PPP4R2: variants seen among roughly 807,000 people sequenced by gnomAD.
PPP4R2 encodes the protein protein phosphatase 4 regulatory subunit 2.
A neutral mutation model predicts 47.2 loss-of-function variants in PPP4R2; 13 were observed. The observed-to-expected ratio is 0.28, with a 90% CI of 0.18 to 0.44. The LOEUF is 0.44. Among genes scored for constraint, PPP4R2 ranks in the 20% least tolerant of loss-of-function variants. The pLI is 1.00. For synonymous variants in PPP4R2, 151 were observed against 163.3 expected (o/e 0.92, Z 0.57); for missense variants, 421 against 491.2 (o/e 0.86, Z 1.35).
chr3:73,055,215 A>G (rs1702704905), intron 3 of PPP4R2, among the ~76,000 whole-genome samples: 2 of 152,188 alleles, frequency 1.3e-5, no homozygotes, highest in African/African-American at 2.4e-5. Context: ...AATGATGACA[A>G]TAAGAACTAA....
At position 73,068,274 on chromosome 3, in the gene PPP4R2, T is replaced by G. The variant is rs1056409037; in HGVS notation, c.*2552T>G. On this transcript the variant is annotated 3_prime_UTR_variant, in exon 9 of 9. Coordinates refer to ENST00000356692, the MANE Select transcript of PPP4R2 (RefSeq NM_174907.4). ...GAATGGAGACCTCAGTGATTAAAGATATTTTGTTTCTGACCTTGAGCAGAT... is the reference window on the plus strand; with the variant it reads ...GAATGGAGACCTCAGTGATTAAAGAGATTTTGTTTCTGACCTTGAGCAGAT... 1 of 152,138 alleles carries G rather than the reference T, an allele frequency of 6.6e-6. No individual in the cohort carries two copies. Among genetic ancestry groups the G allele is most frequent in the Non-Finnish European group, 1.5e-5 (1 of 68,008 alleles). 9.4% of individuals were successfully genotyped at this position (152,138 alleles called of 1,614,324 possible).
At chr3:73,061,200 C>G (rs1702851231) in intron 5 of PPP4R2, 140 bp downstream of exon 5, 2 of 392,572 alleles carry the variant, frequency 5.1e-6, no homozygotes, top group Non-Finnish European at 8.8e-6. Flanking sequence ...ACCTACCATT[C>G]AGTCCCCAAA....
chr3:73,058,955 G>C lies in PPP4R2; in HGVS notation c.288-82G>C, dbSNP rs1575886919. Reference sequence around the variant, plus strand: ...CTTAATACATGGGTGACTAGATACAGCTTTACCTAGCAAAAGAAATAATGT... The same window carrying C: ...CTTAATACATGGGTGACTAGATACACCTTTACCTAGCAAAAGAAATAATGT... On this transcript the variant is annotated intron_variant, in intron 3 of 8. Coordinates refer to ENST00000356692, the MANE Select transcript of PPP4R2 (RefSeq NM_174907.4). The C allele has an allele frequency of 1.5e-5, 13 of 839,934 alleles. No homozygotes were observed. In the East Asian group the frequency reaches 3.4e-4, roughly 22 times the overall value. The allele number at this position is 839,934 out of a possible 1,614,324, so 52.0% of individuals were successfully genotyped here.
chr3:73,012,979 C>A (rs1701754592), intron 2 of PPP4R2, among the ~76,000 whole-genome samples: 1 of 149,400 alleles, frequency 6.7e-6, no homozygotes, highest in African/African-American at 2.5e-5. Flanking sequence ...TTTGTAGGGT[C>A]ATTGCAAGAC....
chr3:73,043,591 A>G (rs138047861), intron 2 of PPP4R2, among the ~76,000 whole-genome samples: 2 of 152,232 alleles, frequency 1.3e-5, no homozygotes, highest in African/African-American at 4.8e-5. Flanking sequence ...CCCCACATCA[A>G]CCCAGCACTC....
chr3:73,024,135 C>A (rs1347855753), intron 2 of PPP4R2, among the ~76,000 whole-genome samples: 1 of 151,922 alleles, frequency 6.6e-6, no homozygotes, highest in Non-Finnish European at 1.5e-5. Context: ...TAAATATATA[C>A]ATAATAAATT....
At chr3:73,001,634 C>T (rs376108180) in intron 2 of PPP4R2, among the ~76,000 whole-genome samples, 15 of 151,972 alleles carry the variant, frequency 9.9e-5, no homozygotes, top group African/African-American at 3.1e-4. Flanking sequence ...TTTTAGTTTT[C>T]TTTCTTCTTT....
intron 2 of PPP4R2, among the ~76,000 whole-genome samples, chr3:73,006,610 C>T (rs1368796138): frequency 1.3e-5 from 2 of 152,002 alleles, no homozygotes; most frequent in Admixed American, 6.6e-5. Context: ...TTTTTTGAAC[C>T]TTGTCTTCAT....
intron 2 of PPP4R2, among the ~76,000 whole-genome samples, chr3:73,046,517 G>A (rs1011003775): frequency 1.3e-5 from 2 of 152,134 alleles, no homozygotes; most frequent in Admixed American, 6.5e-5. Flanking sequence ...GAAATGTGAG[G>A]AAAGAGGGAT....
intron 2 of PPP4R2, among the ~76,000 whole-genome samples, chr3:73,039,785 G>T (rs535824341): frequency 6.6e-6 from 1 of 152,266 alleles, no homozygotes; most frequent in South Asian, 2.1e-4. Flanking sequence ...GGGCCTGGTG[G>T]CTCACGTCTG....
intron 2 of PPP4R2, among the ~76,000 whole-genome samples, chr3:73,039,872 G>A (rs1197140128): frequency 6.6e-6 from 1 of 152,144 alleles, no homozygotes; most frequent in Admixed American, 6.6e-5. Context: ...TGGCCAACAT[G>A]GCGAAACACC....
At chr3:73,043,908 G>C (rs1014660369) in intron 2 of PPP4R2, among the ~76,000 whole-genome samples, 1 of 152,256 alleles carries the variant, frequency 6.6e-6, no homozygotes, top group South Asian at 2.1e-4. Flanking sequence ...TAAAGAATAA[G>C]TCCCTTCACC....
chr3:73,025,247 ATG>A (rs1255686903), intron 2 of PPP4R2, among the ~76,000 whole-genome samples: 15 of 152,346 alleles, frequency 9.8e-5, no homozygotes, highest in South Asian at 4.1e-4. Flanking sequence ...TTGGTAAAAT[ATG>A]TTAAAATTAT....
chr3:73,031,407 G>T (rs1702161696), intron 2 of PPP4R2, among the ~76,000 whole-genome samples: 1 of 152,056 alleles, frequency 6.6e-6, no homozygotes, highest in African/African-American at 2.4e-5. Flanking sequence ...GCTGGACATG[G>T]TGGCATGCAC....
chr3:73,053,094 C>G (rs969107377), intron 3 of PPP4R2, among the ~76,000 whole-genome samples: 2 of 152,210 alleles, frequency 1.3e-5, no homozygotes, highest in African/African-American at 4.8e-5. Context: ...TGTTGATTCA[C>G]TTTATTGCTT....
Position 73,064,885 on chromosome 3 carries a change from A to G in PPP4R2, c.672A>G (p.Ser224=). 2 of 1,612,730 alleles carry G rather than the reference A, an allele frequency of 1.2e-6. No individual in the cohort carries two copies. The highest frequency in any genetic ancestry group is 1.7e-6 in the Non-Finnish European group (2 of 1,179,386). The part of the protein sequence containing the change: ...DSSTSESEVS[S]VSPLKNKHPD... ...CGACCTCTGAATCAGAAGTTTCCTCAGTGAGCCCTTTGAAAAATAAACATC... is the reference window on the plus strand; with the variant it reads ...CGACCTCTGAATCAGAAGTTTCCTCGGTGAGCCCTTTGAAAAATAAACATC... The change falls in exon 8 of 9, where the codon TCA becomes TCG. Residue 224 remains serine (S), a synonymous_variant. Coordinates refer to ENST00000356692, the MANE Select transcript of PPP4R2 (RefSeq NM_174907.4).
chr3:73,062,001 A>T, intron 5 of PPP4R2: 1 of 1,029,724 alleles, frequency 9.7e-7, no homozygotes, highest in Non-Finnish European at 1.4e-6. Context: ...ATGAAGCAAA[A>T]TATGTTTTGT....
chr3:73,031,037 A>AG (rs1204417413), intron 2 of PPP4R2, among the ~76,000 whole-genome samples: 4 of 152,084 alleles, frequency 2.6e-5, no homozygotes, highest in Non-Finnish European at 5.9e-5. Context: ...TGGGTAATGA[A>AG]GGGAGAGAGG....
At chr3:73,030,101 A>G (rs1244172603) in intron 2 of PPP4R2, among the ~76,000 whole-genome samples, 3 of 152,232 alleles carry the variant, frequency 2.0e-5, no homozygotes, top group Non-Finnish European at 2.9e-5. Context: ...GGAATAAAGA[A>G]TAAATTTTAA....
Sources: gnomAD v4.1 joint callset for allele counts (sites outside exome capture counted in the v4.1 genomes callset) on GRCh38, gnomAD v4.1.1 for gene constraint, MANE v1.5 for transcripts, NCBI Gene and HGNC (gene_info 2026-07-23, HGNC 2026-07-21) for gene names.